The following VPS18 variants were observed in gnomAD, a reference collection of about 807,000 sequenced individuals.
The protein encoded by VPS18 is vacuolar protein sorting-associated protein 18 homolog.
Under a neutral mutation model 82.0 loss-of-function variants are expected in VPS18, and 25 were observed. The ratio of observed to expected loss-of-function variants is 0.30; its 90% CI spans 0.22 to 0.43. The LOEUF (loss-of-function observed/expected upper bound fraction) is 0.43. Ranked by LOEUF, VPS18 falls within the 20% of genes least tolerant of loss-of-function variation. The pLI is 1.00. For synonymous variants in VPS18, 523 were observed against 543.0 expected (o/e 0.96, Z 0.51); for missense variants, 1,168 against 1,311.1 (o/e 0.89, Z 1.69).
At position 40,894,737 on chromosome 15, in the gene VPS18, G is replaced by T. The variant is rs1596172543; in HGVS notation, c.-32G>T. The T allele has an allele frequency of 6.5e-7, 1 of 1,536,040 alleles. No homozygotes were observed. On this transcript the variant is annotated 5_prime_UTR_variant, in exon 1 of 5. Transcript: ENST00000220509. ...GGGGTAGCCCTTTTGTAATCCCCAG[G>T]CCCCGGACAAAGAGCCCAGAGGCCG...
At chr15:40,901,919 G>C (rs572591898) in intron 4 of VPS18, among the ~76,000 whole-genome samples, 1 of 152,088 alleles carries the variant, frequency 6.6e-6, no homozygotes, top group Non-Finnish European at 1.5e-5. Flanking sequence ...AAGAAAAAAA[G>C]AAAAGTACTT....
chr15:40,901,062 A>G (rs753622109), intron 4 of VPS18, 48 bp downstream of exon 4: 1 of 1,566,016 alleles, frequency 6.4e-7, no homozygotes, highest in Admixed American at 1.7e-5. Context: ...CCCAAAGAGC[A>G]GTAGCTTTAG....
chr15:40,899,442 T>A lies in VPS18; in HGVS notation c.624T>A (p.Leu208=). ...EEGGPAPVCS[L]EAERGPDGRS... ...GGGGTCCAGCACCTGTGTGCTCCCT[T>A]GAGGCCGAGCGGGGCCCTGATGGGC... Residue 208 remains leucine (L), a synonymous_variant, in exon 4 of 5, where the codon CTT becomes CTA. Coordinates refer to ENST00000220509, the MANE Select transcript of VPS18 (RefSeq NM_020857.3). This position sits in a 1 kb window ranked among gnomAD's most constrained non-coding sequence, Gnocchi z 4.4. The A allele has an allele frequency of 6.2e-7, 1 of 1,606,290 alleles. No individual in the cohort carries two copies. Among genetic ancestry groups the A allele is most frequent in the Non-Finnish European group, 8.5e-7 (1 of 1,174,650 alleles).
intron 2 of VPS18, chr15:40,898,571 A>T: frequency 2.7e-6 from 1 of 364,884 alleles, no homozygotes; most frequent in East Asian, 6.8e-5. Context: ...TCCCGGGCTC[A>T]GGTGATCTCC....
intron 1 of VPS18, 75 bp from the exon 2 acceptor site, chr15:40,895,863 G>C: frequency 8.2e-6 from 13 of 1,588,578 alleles, no homozygotes; most frequent in Non-Finnish European, 2.6e-6. Flanking sequence ...GGAGCACTGT[G>C]GTGTTTTTTC....
At position 40,902,701 on chromosome 15, in the gene VPS18, G is replaced by C; in HGVS notation, c.2282G>C (p.Arg761Pro). The change falls in exon 5 of 5, where the codon CGG becomes CCG. Residue 761 changes from arginine to proline, a missense_variant. Physicochemically the swap from Arg to Pro is moderately radical, Grantham distance 103. Around this residue, in one of 3 missense-constraint regions of VPS18, gnomAD observed 296 missense variants for 354.0 expected, o/e 0.84. Transcript: ENST00000220509. The surrounding 1 kb of genome is among the most constrained non-coding windows in gnomAD (Gnocchi z 4.2). ...LRKKLWLKIA[R>P]HVVQEEEDVQ... Reference sequence around the variant, plus strand: ...AAGAAGCTGTGGCTGAAGATCGCACGGCACGTGGTGCAGGAAGAGGAAGAT... The same window carrying C: ...AAGAAGCTGTGGCTGAAGATCGCACCGCACGTGGTGCAGGAAGAGGAAGAT... 1 of 1,614,264 alleles carries C rather than the reference G, an allele frequency of 6.2e-7. No homozygotes were observed. Among genetic ancestry groups the C allele is most frequent in the Non-Finnish European group, 8.5e-7 (1 of 1,180,046 alleles).
intron 4 of VPS18, among the ~76,000 whole-genome samples, chr15:40,901,418 C>G (rs1892356488): frequency 6.6e-6 from 1 of 151,754 alleles, no homozygotes; most frequent in African/African-American, 2.4e-5. Context: ...GAAACCCCAT[C>G]TCTACTAAAA....
In VPS18 at chr15:40,900,535, C is replaced by T. The variant is rs1322602066; in HGVS notation, c.1717C>T (p.His573Tyr). The T allele has an allele frequency of 1.1e-5, 17 of 1,613,880 alleles. No individual in the cohort carries two copies. The highest frequency in any genetic ancestry group is 1.3e-5 in the African/African-American group (1 of 74,918). Residue 573 changes from histidine to tyrosine, a missense_variant, in exon 4 of 5, where the codon CAC becomes TAC. This residue lies in a region of VPS18 where 868 missense variants were observed against 939.8 expected (regional missense o/e 0.92). Coordinates refer to ENST00000220509, the MANE Select transcript of VPS18 (RefSeq NM_020857.3). This position sits in a 1 kb window ranked among gnomAD's most constrained non-coding sequence, Gnocchi z 5.4. ...MQDYERVVAY[H>Y]CQHEAYEEAL... ...GGACTATGAGCGGGTGGTGGCTTACCACTGTCAGCACGAGGCCTACGAGGA... is the reference window on the plus strand; with the variant it reads ...GGACTATGAGCGGGTGGTGGCTTACTACTGTCAGCACGAGGCCTACGAGGA...
In VPS18 at chr15:40,903,806, G is replaced by A. The variant is rs890775624; in HGVS notation, c.*465G>A. 1 of 154,302 alleles carries A rather than the reference G, an allele frequency of 6.5e-6. No homozygotes were observed. Among genetic ancestry groups the A allele is most frequent in the Non-Finnish European group, 1.4e-5 (1 of 69,552 alleles). 9.6% of individuals were successfully genotyped at this position (154,302 alleles called of 1,614,324 possible). A position where few individuals can be genotyped will look rare whatever the true frequency, so the allele number is the denominator to read the frequency against. ...CTGTAGGTGTCCCAGAAGTGAGAAG[G>A]CAGCCTTCGAAGTCCTGGGCATTGG... On this transcript the variant is annotated 3_prime_UTR_variant, in exon 5 of 5. Coordinates refer to ENST00000220509, the MANE Select transcript of VPS18 (RefSeq NM_020857.3).
Position 40,899,126 on chromosome 15 carries a change from A to G in VPS18, c.326-18A>G. 2.5e-6 allele frequency: 4 copies of G among 1,607,744 alleles called. No individual in the cohort carries two copies. Among genetic ancestry groups the G allele is most frequent in the Non-Finnish European group, 3.4e-6 (4 of 1,175,340 alleles). On this transcript the variant is annotated intron_variant, in intron 3 of 4. Transcript: ENST00000220509. The surrounding 1 kb of genome is among the most constrained non-coding windows in gnomAD (Gnocchi z 4.4). The stretch of plus-strand genomic sequence containing the variant: ...GAACGGCAGCATCCACTGGGGCGCC[A>G]TGCTCTCCCCACTCCAGGCTCTCAC...
chr15:40,900,687 T>G lies in VPS18; in HGVS notation c.1869T>G (p.Ala623=). Residue 623 remains alanine, a synonymous_variant, in exon 4 of 5, where the codon GCT becomes GCG. Transcript: ENST00000220509. This position sits in a 1 kb window ranked among gnomAD's most constrained non-coding sequence, Gnocchi z 5.4. ...TTGAGATGGGCAGCCGGCTGGATGC[T>G]CGTCAGCTCATTCCTGCCCTGGTGA... ...AWIEMGSRLD[A]RQLIPALVNY... The G allele has an allele frequency of 6.2e-7, 1 of 1,614,124 alleles. No homozygotes were observed. Among genetic ancestry groups the G allele is most frequent in the Non-Finnish European group, 8.5e-7 (1 of 1,180,022 alleles).
In VPS18 at chr15:40,900,904, G is replaced by T. The variant is rs772614951; in HGVS notation, c.2086G>T (p.Asp696Tyr). The T allele has an allele frequency of 6.2e-7, 1 of 1,613,938 alleles. No homozygotes were observed. Among genetic ancestry groups the T allele is most frequent in the Admixed American group, 1.7e-5 (1 of 60,028 alleles). Reference protein sequence around the residue: ...AGASPHRVHYDLKYALRLCAE... With the variant: ...AGASPHRVHYYLKYALRLCAE... ...GGCCAGCCCCCACCGGGTGCATTAC[G>T]ACCTCAAGTATGCGCTGCGGCTCTG... Residue 696 changes from aspartate (D) to tyrosine (Y), a missense_variant, in exon 4 of 5, where the codon GAC becomes TAC. Asp to Tyr is a radical substitution (Grantham distance 160). Coordinates refer to ENST00000220509, the MANE Select transcript of VPS18 (RefSeq NM_020857.3). This position sits in a 1 kb window ranked among gnomAD's most constrained non-coding sequence, Gnocchi z 5.4.
chr15:40,902,196 T>G lies in VPS18; in HGVS notation c.2197-420T>G, dbSNP rs1458997157. ...GGCCCAATCTCGGCTCACTGCAAGC[T>G]CAGCCTCCCAGGTTCACGCCATTCT... On this transcript the variant is annotated intron_variant, in intron 4 of 4. Coordinates refer to ENST00000220509, the MANE Select transcript of VPS18 (RefSeq NM_020857.3). The surrounding 1 kb of genome is among the most constrained non-coding windows in gnomAD (Gnocchi z 4.2). 6.6e-6 allele frequency among the ~76,000 whole-genome samples: 1 copy of G among 151,270 alleles called. No individual in the cohort carries two copies. Among genetic ancestry groups the G allele is most frequent in the South Asian group, 2.1e-4 (1 of 4,794 alleles).
At chr15:40,901,132 A>C (rs192705833) in intron 4 of VPS18, 118 bp downstream of exon 4, 89 of 1,060,764 alleles carry the variant, frequency 8.4e-5, no homozygotes, top group Non-Finnish European at 2.7e-6. Context: ...CAGAGAGGGA[A>C]GGTTAAGAGC....
chr15:40,899,390 G>T lies in VPS18; in HGVS notation c.572G>T (p.Arg191Leu). The change falls in exon 4 of 5, where the codon CGC (arginine) becomes CTC (leucine). Residue 191 changes from arginine to leucine, a missense_variant. By Grantham distance (102) the Arg-to-Leu change is moderately radical. This residue lies in a region of VPS18 where 868 missense variants were observed against 939.8 expected (regional missense o/e 0.92). Coordinates refer to ENST00000220509, the MANE Select transcript of VPS18 (RefSeq NM_020857.3). The surrounding 1 kb of genome is among the most constrained non-coding windows in gnomAD (Gnocchi z 4.4). Reference protein sequence around the residue: ...LFGPAPDLYFRPLYVLNEEGG... With the variant: ...LFGPAPDLYFLPLYVLNEEGG... ...GGCCCTGCTCCGGATCTCTACTTCCGCCCATTGTACGTGCTAAATGAAGAA... is the reference window on the plus strand; with the variant it reads ...GGCCCTGCTCCGGATCTCTACTTCCTCCCATTGTACGTGCTAAATGAAGAA... 1 of 1,607,960 alleles carries T rather than the reference G, an allele frequency of 6.2e-7. No individual in the cohort carries two copies. The highest frequency in any genetic ancestry group is 8.5e-7 in the Non-Finnish European group (1 of 1,175,282).
At chr15:40,901,098 G>A in intron 4 of VPS18, 84 bp downstream of exon 4, 1 of 1,431,014 alleles carries the variant, frequency 7.0e-7, no homozygotes, top group Admixed American at 2.0e-5. Flanking sequence ...GGGGGCCATG[G>A]CTAGAGGGTG....
Position 40,899,833 on chromosome 15 carries a change from C to A in VPS18, c.1015C>A (p.Leu339Met). The A allele has an allele frequency of 6.2e-7, 1 of 1,609,430 alleles. No homozygotes were observed. The highest frequency in any genetic ancestry group is 1.6e-4 in the Middle Eastern group (1 of 6,062). The part of the protein sequence containing the change: ...VLTQFHFLLL[L>M]ADRVEAVCTL... ...GACCCAGTTCCACTTCCTGCTGCTACTGGCAGACCGGGTGGAGGCAGTGTG... is the reference window on the plus strand; with the variant it reads ...GACCCAGTTCCACTTCCTGCTGCTAATGGCAGACCGGGTGGAGGCAGTGTG... The change falls in exon 4 of 5, where the codon CTG becomes ATG. Residue 339 changes from leucine (L) to methionine (M), a missense_variant. Leu to Met is a conservative substitution (Grantham distance 15, BLOSUM62 2). Around this residue, in one of 3 missense-constraint regions of VPS18, gnomAD observed 868 missense variants for 939.8 expected, o/e 0.92. Transcript: ENST00000220509. This position sits in a 1 kb window ranked among gnomAD's most constrained non-coding sequence, Gnocchi z 4.4.
chr15:40,894,557 A>G lies in VPS18; in HGVS notation c.-212A>G. ...GGAGTAAGGTGCAAGACTGCGCCAG[A>G]TTCAAGGACGAGGGCTGCCCGATTA... is the stretch of plus-strand genomic sequence containing the variant. On this transcript the variant is annotated 5_prime_UTR_variant, in exon 1 of 5. Transcript: ENST00000220509. The G allele has an allele frequency of 2.0e-6, 1 of 490,042 alleles. No homozygotes were observed. Among genetic ancestry groups the G allele is most frequent in the Non-Finnish European group, 3.6e-6 (1 of 277,112 alleles). The allele number at this position is 490,042 out of a possible 1,614,324, so 30.4% of individuals were successfully genotyped here. A position where few individuals can be genotyped will look rare whatever the true frequency, so the allele number is the denominator to read the frequency against.
At position 40,900,254 on chromosome 15, in the gene VPS18, G is replaced by A; in HGVS notation, c.1436G>A (p.Ser479Asn). Residue 479 changes from serine to asparagine, a missense_variant, in exon 4 of 5, where the codon AGT (serine) becomes AAT (asparagine). Around this residue, in one of 3 missense-constraint regions of VPS18, gnomAD observed 868 missense variants for 939.8 expected, o/e 0.92. Coordinates refer to ENST00000220509, the MANE Select transcript of VPS18 (RefSeq NM_020857.3). This position sits in a 1 kb window ranked among gnomAD's most constrained non-coding sequence, Gnocchi z 5.4. ...LAEFLQRKLA[S>N]LKPAERTQAT... Reference sequence around the variant, plus strand: ...GAGTTCCTGCAGCGAAAACTGGCCAGTTTGAAGCCAGCCGAACGTACCCAG... The same window carrying A: ...GAGTTCCTGCAGCGAAAACTGGCCAATTTGAAGCCAGCCGAACGTACCCAG... 6.2e-7 allele frequency: 1 copy of A among 1,613,790 alleles called. No individual in the cohort carries two copies. Among genetic ancestry groups the A allele is most frequent in the South Asian group, 1.1e-5 (1 of 91,076 alleles).
Sources: gnomAD v4.1 joint callset for allele counts (sites outside exome capture counted in the v4.1 genomes callset) on GRCh38, gnomAD v4.1.1 for gene constraint, gnomAD v4.1.1 regional missense constraint, Gnocchi (gnomAD v3.1) non-coding constraint, MANE v1.5 for transcripts, NCBI Gene and HGNC (gene_info 2026-07-23, HGNC 2026-07-21) for gene names.